Variants in NTNG1 observed in about 807,000 individuals in gnomAD.
The protein encoded by NTNG1 is netrin-G1.
NTNG1 carries 16 observed loss-of-function variants against 54.0 expected under a neutral mutation model. That is an observed-to-expected ratio of 0.30 (90% CI 0.20 to 0.45). NTNG1 has a LOEUF of 0.45. NTNG1 is among the 20% of genes least tolerant of loss of function. The pLI is 1.00. For missense variants in NTNG1, 530 were observed against 678.7 expected, an observed-to-expected ratio of 0.78 and a Z score of 2.43; for synonymous variants, 255 against 263.1, an observed-to-expected ratio of 0.97 and a Z score of 0.30.
chr1:107,273,147 G>C (rs1664250595), intron 2 of NTNG1, among the ~76,000 whole-genome samples: 2 of 152,082 alleles, frequency 1.3e-5, no homozygotes, highest in African/African-American at 4.8e-5. Context: ...TTGCTAGATG[G>C]CATGAATTAC....
intron 5 of NTNG1, among the ~76,000 whole-genome samples, chr1:107,430,320 C>G (rs1203847428): frequency 6.6e-6 from 1 of 152,124 alleles, no homozygotes; most frequent in East Asian, 1.9e-4. Context: ...GGTACTTAGA[C>G]TCTCAATGCT....
intron 2 of NTNG1, among the ~76,000 whole-genome samples, chr1:107,280,709 G>T (rs897829986): frequency 9.2e-5 from 14 of 151,552 alleles, no homozygotes; most frequent in Non-Finnish European, 1.3e-4. Context: ...TTCCCACCTG[G>T]CAGGGAAACC....
At chr1:107,344,384 G>A (rs1383461795) in intron 3 of NTNG1, among the ~76,000 whole-genome samples, 2 of 152,074 alleles carry the variant, frequency 1.3e-5, no homozygotes, top group African/African-American at 4.8e-5. Context: ...GGAGAGGACA[G>A]GGCTCCTAGG....
chr1:107,467,689 A>G (rs1448557970), intron 7 of NTNG1, among the ~76,000 whole-genome samples: 1 of 152,332 alleles, frequency 6.6e-6, no homozygotes, highest in East Asian at 1.9e-4. Flanking sequence ...GGGAAAGACA[A>G]TGTGAGTTAC....
chr1:107,243,474 A>C (rs908054248), intron 2 of NTNG1, among the ~76,000 whole-genome samples: 1 of 152,234 alleles, frequency 6.6e-6, no homozygotes, highest in African/African-American at 2.4e-5. Flanking sequence ...TGGTTTGTTC[A>C]TTCAATATTT....
At chr1:107,308,018 T>C (rs1436251366) in intron 2 of NTNG1, among the ~76,000 whole-genome samples, 2 of 152,148 alleles carry the variant, frequency 1.3e-5, no homozygotes, top group African/African-American at 4.8e-5. Flanking sequence ...TAGTGTTTTT[T>C]TTTTTCTTGT....
intron 7 of NTNG1, among the ~76,000 whole-genome samples, chr1:107,467,293 A>G (rs1293681107): frequency 6.6e-6 from 1 of 152,188 alleles, no homozygotes; most frequent in Non-Finnish European, 1.5e-5. Flanking sequence ...AGAAATTGCT[A>G]ATGATAAAAG....
intron 2 of NTNG1, among the ~76,000 whole-genome samples, chr1:107,277,060 G>A (rs1664526120): frequency 6.7e-6 from 1 of 149,220 alleles, no homozygotes; most frequent in Admixed American, 6.6e-5. Context: ...GGGAAGGAAT[G>A]AAGGTTAGAT....
At chr1:107,390,842 C>T (rs987708948) in intron 3 of NTNG1, among the ~76,000 whole-genome samples, 1 of 152,132 alleles carries the variant, frequency 6.6e-6, no homozygotes, top group African/African-American at 2.4e-5. Context: ...AACTTATCCT[C>T]TAGTGAGGAT....
chr1:107,406,353 A>T (rs1673416746), intron 4 of NTNG1, among the ~76,000 whole-genome samples: 1 of 152,192 alleles, frequency 6.6e-6, no homozygotes, highest in Non-Finnish European at 1.5e-5. Flanking sequence ...TACTTCAATG[A>T]TGTGAAGAAC....
chr1:107,478,519 CAAG>C (rs1411142541), intron 7 of NTNG1, among the ~76,000 whole-genome samples: 1 of 152,024 alleles, frequency 6.6e-6, no homozygotes, highest in Non-Finnish European at 1.5e-5. Context: ...TATTCACATC[CAAG>C]AAGAAGAAAA....
At chr1:107,405,400 G>C (rs997841677) in intron 4 of NTNG1, among the ~76,000 whole-genome samples, 2 of 152,022 alleles carry the variant, frequency 1.3e-5, no homozygotes, top group African/African-American at 4.8e-5. Context: ...ACAAAATGAG[G>C]AACAGCCTGA....
chr1:107,402,403 A>T (rs769323538), intron 4 of NTNG1, among the ~76,000 whole-genome samples: 5 of 152,118 alleles, frequency 3.3e-5, no homozygotes, highest in African/African-American at 2.4e-5. Context: ...TACTGTCACC[A>T]TATGTGTCAG....
rs1310005657 is a variant in NTNG1, at chr1:107,234,444, A to T, written c.246+85605A>T. Among the ~76,000 whole-genome samples the T allele has an allele frequency of 2.0e-5, 3 of 151,454 alleles. No homozygotes were observed. The East Asian group carries it at 5.8e-4, about 29-fold the overall frequency. ...AGCCCCTTTTCAGTTTTTTTTTCGG[A>T]AATGTATGTTCAGTGATAGTCATTT... On this transcript the variant is annotated intron_variant, in intron 2 of 7. Transcript: ENST00000370068.
intron 2 of NTNG1, among the ~76,000 whole-genome samples, chr1:107,228,047 T>C (rs1660804903): frequency 6.6e-6 from 1 of 152,208 alleles, no homozygotes; most frequent in Non-Finnish European, 1.5e-5. Context: ...TCTTCTTTTG[T>C]TCTTATTCAA....
intron 7 of NTNG1, among the ~76,000 whole-genome samples, chr1:107,444,280 AGCAT>A (rs953739382): frequency 1.3e-4 from 20 of 152,216 alleles, no homozygotes; most frequent in African/African-American, 4.8e-4. Flanking sequence ...GCTACCTCTG[AGCAT>A]GCAGAGTCAG....
At chr1:107,183,325 C>T (rs1044264541) in intron 2 of NTNG1, among the ~76,000 whole-genome samples, 2 of 152,100 alleles carry the variant, frequency 1.3e-5, no homozygotes, top group African/African-American at 4.8e-5. Flanking sequence ...TGAAATAGCC[C>T]TCATTTGCAT....
chr1:107,468,272 G>A (rs547283800), intron 7 of NTNG1, among the ~76,000 whole-genome samples: 154 of 152,262 alleles, frequency 1.0e-3, no homozygotes, highest in Middle Eastern at 6.8e-3. Flanking sequence ...CTAAGGAGAC[G>A]TTTGGCTATA....
At chr1:107,461,467 G>A (rs558132109) in intron 7 of NTNG1, among the ~76,000 whole-genome samples, 1 of 152,238 alleles carries the variant, frequency 6.6e-6, no homozygotes, top group Non-Finnish European at 1.5e-5. Flanking sequence ...ATGCGAAGAG[G>A]AAGATAAACA....
Sources: gnomAD v4.1 joint callset for allele counts (sites outside exome capture counted in the v4.1 genomes callset) on GRCh38, gnomAD v4.1.1 for gene constraint, MANE v1.5 for transcripts, NCBI Gene and HGNC (gene_info 2026-07-23, HGNC 2026-07-21) for gene names.